PDE11A: variants seen among roughly 807,000 people sequenced by gnomAD.
PDE11A encodes dual 3',5'-cyclic-AMP and -GMP phosphodiesterase 11A.
PDE11A carries 100 observed loss-of-function variants against 100.5 expected under a neutral mutation model. The ratio of observed to expected loss-of-function variants is 1.00; its 90% CI spans 0.85 to 1.18. The LOEUF is 1.18. Ranked by LOEUF, PDE11A falls within the 50% of genes most tolerant of loss-of-function variation. The probability of loss-of-function intolerance (pLI) is 0.00; values close to 1 mark genes in which losing one functional copy is unlikely to be tolerated. For synonymous variants in PDE11A, 381 were observed against 420.8 expected (o/e 0.91, Z 1.16); for missense variants, 1,141 against 1,152.6 (o/e 0.99, Z 0.15).
rs559048538 is a variant in PDE11A, at chr2:178,052,753, A to G, written c.912+18773T>C. On this transcript the variant is annotated intron_variant, in intron 1 of 19. Transcript: ENST00000286063. ...ATAAACACCTCTATGCAAATAAACT[A>G]GAAAATCTAGAAGAAATGGATAAAT... 6.6e-4 allele frequency among the ~76,000 whole-genome samples: 101 copies of G among 152,354 alleles called. 1 individual carries two copies. The highest frequency in any genetic ancestry group is 2.3e-3 in the African/African-American group (97 of 41,582).
At position 177,845,606 on chromosome 2, in the gene PDE11A, G is replaced by A. The variant is rs1328535573; in HGVS notation, c.1368-5223C>T. 1.3e-4 allele frequency among the ~76,000 whole-genome samples: 20 copies of A among 152,232 alleles called. No homozygotes were observed. The East Asian group carries it at 1.6e-3, about 12-fold the overall frequency. On this transcript the variant is annotated intron_variant, in intron 5 of 19. Coordinates refer to ENST00000286063, the MANE Select transcript of PDE11A (RefSeq NM_016953.4). ...AGACGATGGGTGGCTGGGCAGAGAC[G>A]CTCCTCACTTCCCAGACGGGGTGGC...
At chr2:177,925,490 G>A (rs2105758465) in intron 2 of PDE11A, among the ~76,000 whole-genome samples, 1 of 152,196 alleles carries the variant, frequency 6.6e-6, no homozygotes, top group East Asian at 1.9e-4. Context: ...GTGATGATGA[G>A]CATTTTTTCA....
At chr2:177,884,919 A>G (rs562248166) in intron 4 of PDE11A, among the ~76,000 whole-genome samples, 1 of 152,176 alleles carries the variant, frequency 6.6e-6, no homozygotes, top group South Asian at 2.1e-4. Flanking sequence ...CTTAGAAACT[A>G]CTCTACAGTT....
chr2:177,675,441 T>C lies in PDE11A; in HGVS notation c.2487+14A>G, dbSNP rs2080756589. The C allele has an allele frequency of 6.2e-7, 1 of 1,601,834 alleles. No individual in the cohort carries two copies. The highest frequency in any genetic ancestry group is 8.6e-7 in the Non-Finnish European group (1 of 1,169,132). On this transcript the variant is annotated intron_variant, in intron 17 of 19. Transcript: ENST00000286063. ...TCCCTCCTCTGCTGAGCCCTGCCAT[T>C]AATCACCACTTGCCTGTCTGGAGAT...
rs377125719 is a variant in PDE11A, at chr2:177,632,925, G to T, written c.2647-3363C>A. On this transcript the variant is annotated intron_variant, in intron 19 of 19. Coordinates refer to ENST00000286063, the MANE Select transcript of PDE11A (RefSeq NM_016953.4). The stretch of plus-strand genomic sequence containing the variant: ...CACTGCTTTTATACAGATCTGGACT[G>T]CCAGCCAGCCAGTTTTTTCCCAGGC... 2.0e-5 allele frequency among the ~76,000 whole-genome samples: 3 copies of T among 152,280 alleles called. No individual in the cohort carries two copies. In the East Asian group the frequency reaches 5.8e-4, roughly 29 times the overall value.
Position 178,095,872 on chromosome 2 carries a change from C to G in PDE11A, c.162+8430G>C, listed in dbSNP as rs1244253196. Among the ~76,000 whole-genome samples the G allele has an allele frequency of 2.0e-5, 3 of 152,168 alleles. No individual in the cohort carries two copies. The East Asian group carries it at 5.8e-4, about 29-fold the overall frequency. On this transcript the variant is annotated intron_variant, in intron 2 of 20. Transcript: ENST00000358450. ...CAACGACCTGAGCTGTACCTTGGCC[C>G]CTTTTAGCCATAGTTGGAACTGGAG... is the stretch of plus-strand genomic sequence containing the variant.
intron 6 of PDE11A, among the ~76,000 whole-genome samples, chr2:177,822,049 A>G (rs1183973989): frequency 6.6e-6 from 1 of 151,528 alleles, no homozygotes; most frequent in Non-Finnish European, 1.5e-5. Flanking sequence ...TTGTTTTTCC[A>G]CTCTTTTAAT....
intron 2 of PDE11A, among the ~76,000 whole-genome samples, chr2:178,086,662 T>A (rs75907301): frequency 0.094 from 14,318 of 152,282 alleles, 724 homozygotes; most frequent in Middle Eastern, 0.13. Flanking sequence ...AGATTCCATT[T>A]AAAAATTTTT....
At chr2:177,671,210 A>C (rs191676448) in intron 17 of PDE11A, among the ~76,000 whole-genome samples, 113 of 152,284 alleles carry the variant, frequency 7.4e-4, no homozygotes, top group African/African-American at 2.6e-3. Context: ...AAAGAAAAGA[A>C]ATTAAAACAA....
intron 1 of PDE11A, among the ~76,000 whole-genome samples, chr2:178,034,055 T>C (rs1362506732): frequency 6.6e-6 from 1 of 152,108 alleles, no homozygotes; most frequent in Non-Finnish European, 1.5e-5. Context: ...AATATTAACC[T>C]TAAATGTAAA....
chr2:178,093,778 T>C (rs1461335728), intron 2 of PDE11A, among the ~76,000 whole-genome samples: 1 of 152,210 alleles, frequency 6.6e-6, no homozygotes, highest in East Asian at 1.9e-4. Context: ...AAAGTCTTCT[T>C]AAATTCAGTT....
At chr2:178,002,768 A>G (rs2086160928) in intron 2 of PDE11A, among the ~76,000 whole-genome samples, 1 of 152,242 alleles carries the variant, frequency 6.6e-6, no homozygotes, top group Non-Finnish European at 1.5e-5. Context: ...AAGGGTGGAA[A>G]TAAAGTGAAA....
intron 2 of PDE11A, among the ~76,000 whole-genome samples, chr2:177,993,872 A>T (rs893261703): frequency 1.6e-4 from 25 of 151,998 alleles, no homozygotes; most frequent in Admixed American, 1.6e-3. Context: ...TCATAAGAAT[A>T]TTGAGAGAAT....
chr2:178,065,938 T>C (rs912237622), intron 1 of PDE11A, among the ~76,000 whole-genome samples: 6 of 151,754 alleles, frequency 4.0e-5, no homozygotes, highest in African/African-American at 1.5e-4. Flanking sequence ...GTACTAAATA[T>C]TGTTATTCAT....
intron 1 of PDE11A, among the ~76,000 whole-genome samples, chr2:178,037,688 GC>G (rs1252260917): frequency 6.6e-6 from 1 of 152,184 alleles, no homozygotes; most frequent in African/African-American, 2.4e-5. Context: ...ATACTATGCA[GC>G]CATAAAAAAG....
intron 2 of PDE11A, among the ~76,000 whole-genome samples, chr2:177,959,792 T>G (rs1028551214): frequency 1.1e-4 from 16 of 151,956 alleles, no homozygotes; most frequent in African/African-American, 3.4e-4. Flanking sequence ...AAGCAAGGAG[T>G]TACAGGTTTA....
At chr2:177,932,176 C>G (rs1290437639) in intron 2 of PDE11A, among the ~76,000 whole-genome samples, 1 of 151,934 alleles carries the variant, frequency 6.6e-6, no homozygotes, top group Non-Finnish European at 1.5e-5. Flanking sequence ...AATAAAAATC[C>G]TACCAACCAA....
intron 6 of PDE11A, among the ~76,000 whole-genome samples, chr2:177,833,400 C>T (rs2083341859): frequency 6.6e-6 from 1 of 152,186 alleles, no homozygotes; most frequent in Non-Finnish European, 1.5e-5. Flanking sequence ...GTTCATGTAC[C>T]TGTGAGGAAG....
intron 3 of PDE11A, among the ~76,000 whole-genome samples, chr2:177,899,753 T>C (rs926891858): frequency 6.7e-6 from 1 of 148,694 alleles, no homozygotes; most frequent in Non-Finnish European, 1.5e-5. Flanking sequence ...ATATAAAATA[T>C]ATATACCCTC....
Sources: gnomAD v4.1 joint callset for allele counts (sites outside exome capture counted in the v4.1 genomes callset) on GRCh38, gnomAD v4.1.1 for gene constraint, MANE v1.5 for transcripts, NCBI Gene and HGNC (gene_info 2026-07-23, HGNC 2026-07-21) for gene names.